NR6A1: variants seen among roughly 807,000 people sequenced by gnomAD.
NR6A1 encodes nuclear receptor subfamily 6 group A member 1.
A neutral mutation model predicts 59.1 loss-of-function variants in NR6A1; 7 were observed. The observed-to-expected ratio is 0.12, with a 90% CI of 0.07 to 0.22. The LOEUF is 0.22. NR6A1 is among the 10% of genes least tolerant of loss of function. The probability of loss-of-function intolerance (pLI) is 1.00; values close to 1 mark genes in which losing one functional copy is unlikely to be tolerated. For synonymous variants in NR6A1, 243 were observed against 236.1 expected, an observed-to-expected ratio of 1.03 and a Z score of -0.27; for missense variants, 468 against 611.6, an observed-to-expected ratio of 0.77 and a Z score of 2.48.
intron 2 of NR6A1, among the ~76,000 whole-genome samples, chr9:124,619,581 TA>T (rs565775736): frequency 1.7e-3 from 266 of 152,146 alleles, no homozygotes; most frequent in Non-Finnish European, 3.0e-3. Flanking sequence ...TTACTTTTTT[TA>T]AAAAAACTGC....
intron 2 of NR6A1, among the ~76,000 whole-genome samples, chr9:124,605,379 A>G (rs949200136): frequency 1.3e-5 from 2 of 152,142 alleles, no homozygotes; most frequent in African/African-American, 4.8e-5. Context: ...GTGGTGATGC[A>G]TGTGCCTGTA....
Position 124,665,010 on chromosome 9 carries a change from C to CAAAAAAAAA in NR6A1, c.142+68289_142+68297dup, listed in dbSNP as rs59451556. On this transcript the variant is annotated intron_variant, in intron 2 of 9. Transcript: ENST00000487099. ...CAATATAATAAGATCCTTGTATCTC[C>CAAAAAAAAA]AAAAAAAAAAAAAAAAAAAAAAAAA... Among the ~76,000 whole-genome samples the CAAAAAAAAA allele has an allele frequency of 3.6e-4, 5 of 13,744 alleles. 2 individuals carry two copies. The highest frequency in any genetic ancestry group is 2.4e-4 in the Non-Finnish European group (1 of 4,138). 9.0% of individuals were successfully genotyped at this position (13,744 alleles called of 152,430 possible). A position where few individuals can be genotyped will look rare whatever the true frequency, so the allele number is the denominator to read the frequency against.
At chr9:124,598,976 A>C in intron 2 of NR6A1, 1 of 726,152 alleles carries the variant, frequency 1.4e-6, no homozygotes, top group Non-Finnish European at 2.6e-6. Flanking sequence ...TTTCAGCTCC[A>C]CCATTGGCGT....
intron 3 of NR6A1, 110 bp downstream of exon 3, chr9:124,554,218 A>C: frequency 3.3e-6 from 5 of 1,515,208 alleles, no homozygotes; most frequent in Non-Finnish European, 4.5e-6. Flanking sequence ...AGTACAAACT[A>C]TAAGGCCTGA....
At chr9:124,643,177 C>T (rs1168413372) in intron 2 of NR6A1, among the ~76,000 whole-genome samples, 4 of 151,464 alleles carry the variant, frequency 2.6e-5, no homozygotes, top group Non-Finnish European at 4.4e-5. Flanking sequence ...TCAAAGAAAA[C>T]GGGGCTGGGC....
At chr9:124,757,477 A>AC (rs1840667069) in intron 1 of NR6A1, among the ~76,000 whole-genome samples, 4 of 151,124 alleles carry the variant, frequency 2.6e-5, no homozygotes, top group Admixed American at 2.0e-4. Flanking sequence ...AAAAAAAAAA[A>AC]CCTTGGATTT....
chr9:124,752,891 G>A (rs888171071), intron 1 of NR6A1, among the ~76,000 whole-genome samples: 1 of 152,052 alleles, frequency 6.6e-6, no homozygotes, highest in Admixed American at 6.5e-5. Flanking sequence ...TCTCTTAGAG[G>A]ATGAGGAAGA....
chr9:124,617,403 A>C (rs1251993254), intron 2 of NR6A1, among the ~76,000 whole-genome samples: 2 of 152,216 alleles, frequency 1.3e-5, no homozygotes, highest in East Asian at 1.9e-4. Context: ...AGCAGCTGTA[A>C]GCCAGTCAAC....
chr9:124,541,720 T>A (rs1833453651), intron 4 of NR6A1, among the ~76,000 whole-genome samples: 1 of 152,252 alleles, frequency 6.6e-6, no homozygotes. Context: ...TGTGAAGAGA[T>A]ATCTGCACTC....
At chr9:124,662,414 C>T (rs959514123) in intron 2 of NR6A1, among the ~76,000 whole-genome samples, 2 of 152,024 alleles carry the variant, frequency 1.3e-5, no homozygotes, top group Non-Finnish European at 2.9e-5. Context: ...CCCTCTGAAA[C>T]TTAGTATCCT....
At chr9:124,525,361 T>C (rs917209612) in intron 8 of NR6A1, among the ~76,000 whole-genome samples, 5 of 150,980 alleles carry the variant, frequency 3.3e-5, no homozygotes, top group African/African-American at 1.2e-4. Context: ...ATCTTCTTCC[T>C]GGGCTGTCCC....
At chr9:124,678,364 G>T (rs1838026875) in intron 2 of NR6A1, among the ~76,000 whole-genome samples, 1 of 152,172 alleles carries the variant, frequency 6.6e-6, no homozygotes, top group African/African-American at 2.4e-5. Flanking sequence ...GTTAACTGTA[G>T]AACTTAGTAT....
intron 2 of NR6A1, among the ~76,000 whole-genome samples, chr9:124,608,067 T>C (rs1386453081): frequency 6.6e-6 from 1 of 151,520 alleles, no homozygotes; most frequent in Non-Finnish European, 1.5e-5. Context: ...CTCAAAAAAA[T>C]AAATAAAAAA....
At chr9:124,701,263 T>C (rs1838943142) in intron 2 of NR6A1, among the ~76,000 whole-genome samples, 1 of 152,202 alleles carries the variant, frequency 6.6e-6, no homozygotes, top group African/African-American at 2.4e-5. Context: ...TCTTTTCGAT[T>C]ACAGCTATTC....
chr9:124,626,827 A>G (rs528607312), intron 2 of NR6A1, among the ~76,000 whole-genome samples: 25 of 152,214 alleles, frequency 1.6e-4, no homozygotes, highest in African/African-American at 5.8e-4. Flanking sequence ...CCAGCTACTC[A>G]GGAGGCTGAG....
intron 5 of NR6A1, 53 bp from the exon 6 acceptor site, chr9:124,538,372 T>C: frequency 7.1e-7 from 1 of 1,403,728 alleles, no homozygotes; most frequent in Non-Finnish European, 1.0e-6. Flanking sequence ...TAGTAATTAC[T>C]CAAAGGAAGT....
chr9:124,554,229 T>TA, intron 3 of NR6A1, 99 bp downstream of exon 3: 1 of 1,558,996 alleles, frequency 6.4e-7, no homozygotes. Context: ...TAAGGCCTGA[T>TA]ATGTAGTGCA....
chr9:124,532,941 C>T (rs1213312809), intron 7 of NR6A1, among the ~76,000 whole-genome samples: 1 of 152,148 alleles, frequency 6.6e-6, no homozygotes, highest in Admixed American at 6.5e-5. Context: ...AAAATTCCTA[C>T]CAAGGAAGGA....
At chr9:124,733,269 T>C in intron 2 of NR6A1, 39 bp downstream of exon 2, 1 of 1,516,474 alleles carries the variant, frequency 6.6e-7, no homozygotes, top group Non-Finnish European at 9.2e-7. Context: ...CACACATCCT[T>C]TTCTTACCAA....
Sources: allele counts gnomAD v4.1 joint callset (sites outside exome capture counted in the v4.1 genomes callset), GRCh38; gene constraint gnomAD v4.1.1; transcripts MANE v1.5; gene names NCBI Gene and HGNC (gene_info 2026-07-23, HGNC 2026-07-21).